Variants in CDH18 observed in about 807,000 individuals in gnomAD.
CDH18 encodes cadherin-18.
A neutral mutation model predicts 67.9 loss-of-function variants in CDH18; 31 were observed. The observed-to-expected ratio is 0.46, with a 90% CI of 0.34 to 0.62. The LOEUF is 0.62. Ranked by LOEUF, CDH18 falls within the 20% of genes least tolerant of loss-of-function variation. CDH18 has a pLI of 0.01. For missense variants in CDH18, 890 were observed against 975.5 expected, an observed-to-expected ratio of 0.91 and a Z score of 1.17; for synonymous variants, 362 against 347.2, an observed-to-expected ratio of 1.04 and a Z score of -0.48.
intron 10 of CDH18, among the ~76,000 whole-genome samples, chr5:19,509,572 C>T (rs1369592445): frequency 6.6e-6 from 1 of 152,000 alleles, no homozygotes; most frequent in Non-Finnish European, 1.5e-5. Context: ...TGATTTTTGA[C>T]AGTAAAGAAT....
chr5:19,636,426 A>C (rs1753158754), intron 5 of CDH18, among the ~76,000 whole-genome samples: 1 of 152,014 alleles, frequency 6.6e-6, no homozygotes, highest in Non-Finnish European at 1.5e-5. Context: ...TATTCAAATA[A>C]TCTTGTGGCT....
intron 1 of CDH18, among the ~76,000 whole-genome samples, chr5:20,568,261 T>C (rs779666306): frequency 3.3e-5 from 5 of 152,212 alleles, no homozygotes; most frequent in Non-Finnish European, 1.5e-5. Flanking sequence ...CCCAATGACC[T>C]ACTCTCTTTT....
intron 2 of CDH18, among the ~76,000 whole-genome samples, chr5:20,214,283 G>T (rs1371212296): frequency 6.6e-6 from 1 of 151,928 alleles, no homozygotes; most frequent in Admixed American, 6.6e-5. Flanking sequence ...ACATTTTATA[G>T]ATTCAGTACT....
At chr5:19,780,412 T>C (rs575185242) in intron 3 of CDH18, among the ~76,000 whole-genome samples, 1 of 152,298 alleles carries the variant, frequency 6.6e-6, no homozygotes, top group South Asian at 2.1e-4. Flanking sequence ...CACATGTTAA[T>C]TTTATGTTTT....
At chr5:20,404,356 G>C (rs1746042617) in intron 1 of CDH18, among the ~76,000 whole-genome samples, 1 of 152,148 alleles carries the variant, frequency 6.6e-6, no homozygotes, top group South Asian at 2.1e-4. Context: ...TGATGCAAAA[G>C]GCCTAGCTTT....
At chr5:19,697,079 A>T (rs13170964) in intron 5 of CDH18, among the ~76,000 whole-genome samples, 147,303 of 152,328 alleles carry the variant, frequency 0.97, 71,410 homozygotes, top group Middle Eastern at 1. Flanking sequence ...TGCTTCTACA[A>T]GAGCTATAAA....
intron 2 of CDH18, among the ~76,000 whole-genome samples, chr5:20,030,410 A>G (rs1739295835): frequency 6.6e-6 from 1 of 152,176 alleles, no homozygotes; most frequent in Non-Finnish European, 1.5e-5. Context: ...TATTTCATGG[A>G]CTACATCTGA....
rs58415003 is a variant in CDH18, at chr5:20,056,478, G to GTTTTTTTTTTTTTTTT, written c.-517-64480_-517-64465dup. Among the ~76,000 whole-genome samples the GTTTTTTTTTTTTTTTT allele has an allele frequency of 3.7e-4, 6 of 16,288 alleles. 2 individuals carry two copies. Among genetic ancestry groups the GTTTTTTTTTTTTTTTT allele is most frequent in the Admixed American group, 7.9e-4 (1 of 1,262 alleles). The allele number at this position is 16,288 out of a possible 152,430, so 10.7% of individuals were successfully genotyped here. A position where few individuals can be genotyped will look rare whatever the true frequency, so the allele number is the denominator to read the frequency against. On this transcript the variant is annotated intron_variant, in intron 2 of 14. Coordinates refer to the CDH18 transcript ENST00000507958. ...TATTTTTCTTTATTTTCTTTCTTTT[G>GTTTTTTTTTTTTTTTT]TTTTTTTTTTTTTTTTTTTTTTTTT... is the stretch of plus-strand genomic sequence containing the variant.
At chr5:19,841,606 TTCTTAGA>T (rs1365879721) in intron 2 of CDH18, among the ~76,000 whole-genome samples, 1 of 151,690 alleles carries the variant, frequency 6.6e-6, no homozygotes, top group African/African-American at 2.4e-5. Context: ...CTAGCTTTTC[TTCTTAGA>T]AGCCAAGTTG....
rs1369167601 is a variant in CDH18 at position 20,420,069 on chromosome 5, C to T, written c.-580+155393G>A. 4.6e-5 allele frequency among the ~76,000 whole-genome samples: 7 copies of T among 150,898 alleles called. 1 individual carries two copies. The East Asian group carries it at 9.7e-4, about 21-fold the overall frequency. ...TCTTAGAGTAATGCTGAACATTCAC[C>T]ACCACAGCAGATTATGTGAGCCTGG... is the stretch of plus-strand genomic sequence containing the variant. On this transcript the variant is annotated intron_variant, in intron 1 of 14. Coordinates refer to the CDH18 transcript ENST00000507958.
intron 3 of CDH18, among the ~76,000 whole-genome samples, chr5:19,778,366 A>G (rs968156966): frequency 2.0e-5 from 3 of 152,200 alleles, no homozygotes; most frequent in African/African-American, 4.8e-5. Flanking sequence ...AAAACGAAAG[A>G]TGAATTAACA....
At chr5:19,908,883 T>A (rs1790819089) in intron 2 of CDH18, among the ~76,000 whole-genome samples, 2 of 152,184 alleles carry the variant, frequency 1.3e-5, no homozygotes, top group South Asian at 4.1e-4. Flanking sequence ...TATTAATGTC[T>A]GTTTATTAGG....
intron 1 of CDH18, among the ~76,000 whole-genome samples, chr5:20,493,356 T>TTAAAAAA (rs1391590923): frequency 2.1e-5 from 1 of 47,194 alleles, no homozygotes; most frequent in African/African-American, 8.5e-5. Context: ...TTCAGAAAAT[T>TTAAAAAA]AAAAAAAAAA....
At chr5:20,207,584 G>A (rs1375398275) in intron 2 of CDH18, among the ~76,000 whole-genome samples, 1 of 151,960 alleles carries the variant, frequency 6.6e-6, no homozygotes, top group Non-Finnish European at 1.5e-5. Context: ...CAGGAAAACT[G>A]CTGTTTCTAA....
intron 2 of CDH18, among the ~76,000 whole-genome samples, chr5:20,085,524 G>A (rs959497087): frequency 2.6e-5 from 4 of 151,992 alleles, no homozygotes; most frequent in Admixed American, 6.6e-5. Flanking sequence ...GCAATGCCCC[G>A]CTCTACTGGT....
At chr5:19,982,619 A>G (rs1799170462) in intron 1 of CDH18, among the ~76,000 whole-genome samples, 1 of 152,148 alleles carries the variant, frequency 6.6e-6, no homozygotes, top group African/African-American at 2.4e-5. Context: ...ACACTTTCCT[A>G]TCTCTCACAA....
At chr5:20,011,284 C>A (rs148785869) in intron 2 of CDH18, among the ~76,000 whole-genome samples, 2 of 152,206 alleles carry the variant, frequency 1.3e-5, no homozygotes, top group African/African-American at 4.8e-5. Flanking sequence ...GAAATGCTAG[C>A]AATTTTTGCA....
chr5:20,287,686 AATAT>A (rs1253221707), intron 1 of CDH18, among the ~76,000 whole-genome samples: 1 of 151,800 alleles, frequency 6.6e-6, no homozygotes, highest in African/African-American at 2.4e-5. Flanking sequence ...TAATAGAAAC[AATAT>A]TCTGTAAATC....
At chr5:19,960,734 T>C (rs1351450697) in intron 2 of CDH18, among the ~76,000 whole-genome samples, 2 of 132,466 alleles carry the variant, frequency 1.5e-5, no homozygotes, top group African/African-American at 7.4e-5. Context: ...TATACGTATA[T>C]ACGTATACAC....
Sources: allele counts gnomAD v4.1 joint callset (sites outside exome capture counted in the v4.1 genomes callset), GRCh38; gene constraint gnomAD v4.1.1; transcripts MANE v1.5; gene names NCBI Gene and HGNC (gene_info 2026-07-23, HGNC 2026-07-21).